SYNE1: variants seen among roughly 807,000 people sequenced by gnomAD.
The protein encoded by SYNE1 is nesprin-1.
In SYNE1, 616 loss-of-function variants were observed where a neutral mutation model predicts 1,111.0. That is an observed-to-expected ratio of 0.55 (90% CI 0.52 to 0.59). The LOEUF (loss-of-function observed/expected upper bound fraction) is 0.59. SYNE1 is among the 20% of genes least tolerant of loss of function. SYNE1 has a pLI of 0.00. For synonymous variants in SYNE1, 3,855 were observed against 3,825.8 expected, an observed-to-expected ratio of 1.01 and a Z score of -0.28; for missense variants, 10,006 against 10,417.0, an observed-to-expected ratio of 0.96 and a Z score of 1.72.
chr6:152,254,644 T>G (rs567238379), intron 104 of SYNE1, among the ~76,000 whole-genome samples: 1 of 152,356 alleles, frequency 6.6e-6, no homozygotes, highest in African/African-American at 2.4e-5. Context: ...TTTTATTGAT[T>G]GAATTCTATT....
intron 14 of SYNE1, among the ~76,000 whole-genome samples, chr6:152,476,433 A>G (rs1300064272): frequency 1.3e-5 from 2 of 152,060 alleles, no homozygotes; most frequent in African/African-American, 4.8e-5. Context: ...GAATCTGTCC[A>G]TTTCTCACCA....
intron 55 of SYNE1, among the ~76,000 whole-genome samples, chr6:152,383,183 T>A (rs2097456459): frequency 6.6e-6 from 1 of 152,240 alleles, no homozygotes; most frequent in Admixed American, 6.5e-5. Context: ...CCCAATTTCT[T>A]TCTGCCAATT....
In SYNE1 at chr6:152,373,087, C is replaced by G; in HGVS notation, c.9457G>C (p.Asp3153His). The G allele has an allele frequency of 1.2e-6, 2 of 1,614,128 alleles. No homozygotes were observed. The highest frequency in any genetic ancestry group is 1.7e-6 in the Non-Finnish European group (2 of 1,180,030). ...IQAKVTAAKE[D>H]WKNFHSNLHQ... ...AGATTTGAATGAAAATTTTTCCAAT[C>G]TTCTTTTGCAGCTGTAACTTTGGCC... The change falls in exon 59 of 146, where the codon GAT becomes CAT. Residue 3153 changes from aspartate to histidine, a missense_variant. Asp to His is a moderately conservative substitution (Grantham distance 81, BLOSUM62 -1). Coordinates refer to ENST00000367255, the MANE Select transcript of SYNE1 (RefSeq NM_182961.4).
At chr6:152,437,015 A>C (rs1252284853) in intron 32 of SYNE1, among the ~76,000 whole-genome samples, 1 of 152,022 alleles carries the variant, frequency 6.6e-6, no homozygotes, top group Non-Finnish European at 1.5e-5. Context: ...GAAAAAAAAA[A>C]AAGTGACCAG....
intron 3 of SYNE1, among the ~76,000 whole-genome samples, chr6:152,564,560 GC>G (rs1161493804): frequency 2.0e-5 from 3 of 152,062 alleles, no homozygotes; most frequent in Non-Finnish European, 2.9e-5. Flanking sequence ...CAAGTGATCT[GC>G]CCACCTTGGC....
chr6:152,246,870 C>A (rs2087333332), intron 105 of SYNE1, among the ~76,000 whole-genome samples: 1 of 152,074 alleles, frequency 6.6e-6, no homozygotes, highest in Non-Finnish European at 1.5e-5. Context: ...CCTTGAAACT[C>A]CAAAAGAATT....
At position 152,336,892 on chromosome 6, in the gene SYNE1, C is replaced by T; in HGVS notation, c.12477G>A (p.Arg4159=). The change falls in exon 76 of 146, where the codon AGG becomes AGA. Residue 4159 remains arginine, a synonymous_variant. Transcript: ENST00000367255. ...ADQQLQNMKR[R]HSELELNIAQ... ...CAATGTTCAGCTCCAGCTCAGAGTG[C>T]CTCCTCTTCATGTTCTGCAGTTGCT... 1 of 1,614,042 alleles carries T rather than the reference C, an allele frequency of 6.2e-7. No homozygotes were observed.
intron 4 of SYNE1, among the ~76,000 whole-genome samples, chr6:152,536,318 A>AATATATATAGTAATATATATATATAACT (rs1564707336): frequency 4.2e-5 from 6 of 141,934 alleles, no homozygotes; most frequent in African/African-American, 7.7e-5. Flanking sequence ...GTTCTGCGCC[A>AATATATATAGTAATATATATATATAACT]ATATATATAG....
At position 152,334,099 on chromosome 6, in the gene SYNE1, C is replaced by G; in HGVS notation, c.12703G>C (p.Asp4235His). ...TGGTAATCTCTTGTTCTCTGAAGATCCTCTTCCCTTTGCAAGCACAGGTTG... is the reference window on the plus strand; with the variant it reads ...TGGTAATCTCTTGTTCTCTGAAGATGCTCTTCCCTTTGCAAGCACAGGTTG... ...SNNLCLQREE[D>H]LQRTRDYHDC... Residue 4235 changes from aspartate (D) to histidine (H), a missense_variant, in exon 77 of 146, where the codon GAT becomes CAT. Asp to His is a moderately conservative substitution (Grantham distance 81). Transcript: ENST00000367255. 2.5e-6 allele frequency: 4 copies of G among 1,614,150 alleles called. No homozygotes were observed. The highest frequency in any genetic ancestry group is 3.4e-6 in the Non-Finnish European group (4 of 1,180,032).
chr6:152,135,069 A>G lies in SYNE1; in HGVS notation c.25788+35T>C, dbSNP rs780342608. 8.1e-6 allele frequency: 13 copies of G among 1,613,884 alleles called. No homozygotes were observed. The African/African-American group carries it at 1.6e-4, about 20-fold the overall frequency. ...GTAAATGAAATGCAACCCTGCTAAA[A>G]ATAACTGGAGGCTGCCAGAGTTCAC... On this transcript the variant is annotated intron_variant, in intron 142 of 145. Coordinates refer to ENST00000367255, the MANE Select transcript of SYNE1 (RefSeq NM_182961.4).
chr6:152,444,784 G>C (rs1395529048), intron 29 of SYNE1, among the ~76,000 whole-genome samples: 2 of 151,872 alleles, frequency 1.3e-5, no homozygotes, highest in African/African-American at 4.8e-5. Flanking sequence ...AACACTTAAG[G>C]TCCACTCTCG....
intron 81 of SYNE1, among the ~76,000 whole-genome samples, chr6:152,324,696 G>C (rs1284259287): frequency 6.6e-6 from 1 of 152,114 alleles, no homozygotes; most frequent in Non-Finnish European, 1.5e-5. Flanking sequence ...CGCTACTCGG[G>C]AGGCTGAGGC....
chr6:152,523,970 G>T (rs1197841539), intron 5 of SYNE1, among the ~76,000 whole-genome samples: 2 of 151,980 alleles, frequency 1.3e-5, no homozygotes, highest in Non-Finnish European at 2.9e-5. Context: ...GGGTTTTCTA[G>T]GTATCCAATC....
chr6:152,404,343 C>A, intron 45 of SYNE1, 29 bp from the exon 46 acceptor site: 1 of 1,487,112 alleles, frequency 6.7e-7, no homozygotes, highest in Non-Finnish European at 9.3e-7. Flanking sequence ...CATAACTAAT[C>A]AAAAACACTG....
intron 22 of SYNE1, chr6:152,456,699 A>G (rs1334099280): frequency 6.7e-6 from 3 of 449,900 alleles, no homozygotes; most frequent in South Asian, 1.6e-5. Flanking sequence ...GTAGCCTGCA[A>G]TTGTGATTTT....
intron 6 of SYNE1, among the ~76,000 whole-genome samples, chr6:152,513,611 G>A (rs1356815376): frequency 6.6e-6 from 1 of 152,144 alleles, no homozygotes; most frequent in African/African-American, 2.4e-5. Flanking sequence ...TGGTATTACA[G>A]GAGTGAGCCA....
rs760320202 is a variant in SYNE1, at chr6:152,430,525, C to T, written c.4646G>A (p.Gly1549Glu). ...HAQCLEGTIL[G>E]HLSQQQKFEE... ...AAACTTTTGCTGCTGAGATAAATGTCCCAGGATTGTTCCTTCCAGACACTG... is the reference window on the plus strand; with the variant it reads ...AAACTTTTGCTGCTGAGATAAATGTTCCAGGATTGTTCCTTCCAGACACTG... Residue 1549 changes from glycine (G) to glutamate (E), a missense_variant, in exon 35 of 146, where the codon GGA becomes GAA. Coordinates refer to ENST00000367255, the MANE Select transcript of SYNE1 (RefSeq NM_182961.4). 1.9e-6 allele frequency: 3 copies of T among 1,614,066 alleles called. No individual in the cohort carries two copies. The South Asian group carries it at 3.3e-5, about 18-fold the overall frequency.
At chr6:152,355,943 C>T (rs1235520691) in intron 66 of SYNE1, among the ~76,000 whole-genome samples, 1 of 152,024 alleles carries the variant, frequency 6.6e-6, no homozygotes, top group African/African-American at 2.4e-5. Flanking sequence ...ACTTCAAGCA[C>T]AGTATAATGT....
intron 3 of SYNE1, among the ~76,000 whole-genome samples, chr6:152,560,995 G>A (rs1226008276): frequency 2.6e-5 from 4 of 152,024 alleles, no homozygotes; most frequent in African/African-American, 9.7e-5. Context: ...TTTCCTCCAA[G>A]ATCAGTGAAA....
Sources: gnomAD v4.1 joint callset for allele counts (sites outside exome capture counted in the v4.1 genomes callset) on GRCh38, gnomAD v4.1.1 for gene constraint, MANE v1.5 for transcripts, NCBI Gene and HGNC (gene_info 2026-07-23, HGNC 2026-07-21) for gene names.